The following AFG2A variants were observed in gnomAD, a reference collection of about 807,000 sequenced individuals.
AFG2A encodes AAA ATPase AFG2A.
At chr4:123,126,004 A>T in the AFG2A span, among the ~76,000 whole-genome samples, 2 of 152,178 alleles carry the variant, frequency 1.3e-5, no homozygotes, top group Non-Finnish European at 2.9e-5. Context: ...CTGTTAAGGA[A>T]CATACAGGGA....
the AFG2A span, among the ~76,000 whole-genome samples, chr4:123,073,521 C>T: frequency 2.0e-5 from 3 of 152,020 alleles, no homozygotes; most frequent in African/African-American, 7.2e-5. Context: ...AATTCATACT[C>T]CTCCCAAACT....
chr4:123,091,419 T>G, the AFG2A span, among the ~76,000 whole-genome samples: 2 of 152,234 alleles, frequency 1.3e-5, no homozygotes, highest in Admixed American at 6.5e-5. Flanking sequence ...TCTTGTATCT[T>G]ACTTTTAGCA....
the AFG2A span, among the ~76,000 whole-genome samples, chr4:122,986,654 C>T: frequency 2.0e-5 from 3 of 151,982 alleles, no homozygotes; most frequent in Non-Finnish European, 2.9e-5. Flanking sequence ...GTACACTGCT[C>T]GGGTGATGAC....
chr4:123,273,421 TATG>T, the AFG2A span, among the ~76,000 whole-genome samples: 3 of 152,110 alleles, frequency 2.0e-5, no homozygotes, highest in African/African-American at 7.2e-5. Flanking sequence ...TCATTGAAAA[TATG>T]ATTCACTATA....
At chr4:122,928,457 T>C in the AFG2A span, among the ~76,000 whole-genome samples, 1 of 152,234 alleles carries the variant, frequency 6.6e-6, no homozygotes, top group Non-Finnish European at 1.5e-5. Flanking sequence ...TTTTGTCTGC[T>C]GATGGCACCC....
chr4:122,974,041 G>A, the AFG2A span, among the ~76,000 whole-genome samples: 3 of 151,932 alleles, frequency 2.0e-5, no homozygotes, highest in Non-Finnish European at 2.9e-5. Context: ...TTTTCCTCCT[G>A]TGAGTTACTA....
At chr4:123,186,494 C>T in the AFG2A span, among the ~76,000 whole-genome samples, 3 of 152,116 alleles carry the variant, frequency 2.0e-5, no homozygotes, top group African/African-American at 7.2e-5. Context: ...CATGTTGAAG[C>T]TGAATGCCTT....
At chr4:123,176,857 G>A in the AFG2A span, among the ~76,000 whole-genome samples, 37 of 152,240 alleles carry the variant, frequency 2.4e-4, no homozygotes, top group African/African-American at 8.7e-4. Context: ...TGGGGGAAGG[G>A]GGAGGAGGAG....
chr4:123,100,973 T>C, the AFG2A span, among the ~76,000 whole-genome samples: 17 of 151,978 alleles, frequency 1.1e-4, no homozygotes, highest in African/African-American at 3.4e-4. Flanking sequence ...GCCATAGGAA[T>C]AGAGGAATTT....
the AFG2A span, among the ~76,000 whole-genome samples, chr4:123,075,976 C>CA: frequency 1.5e-3 from 199 of 135,114 alleles, 2 homozygotes; most frequent in South Asian, 0.02. Flanking sequence ...ACAACAACAA[C>CA]AAAAAAAAAA....
At chr4:123,293,950 G>C in the AFG2A span, among the ~76,000 whole-genome samples, 4 of 152,172 alleles carry the variant, frequency 2.6e-5, no homozygotes, top group Admixed American at 2.0e-4. Context: ...CTCTGTGATA[G>C]GCTCTAGCAC....
the AFG2A span, among the ~76,000 whole-genome samples, chr4:123,020,951 G>A: frequency 6.6e-6 from 1 of 152,080 alleles, no homozygotes; most frequent in East Asian, 1.9e-4. Flanking sequence ...TAAACATTAC[G>A]ATTTTTTTCT....
the AFG2A span, among the ~76,000 whole-genome samples, chr4:123,115,104 G>T: frequency 6.6e-6 from 1 of 152,106 alleles, no homozygotes; most frequent in African/African-American, 2.4e-5. Context: ...CCTCCTTGCA[G>T]CCTGGAGCAG....
At chr4:123,206,528 G>A in the AFG2A span, among the ~76,000 whole-genome samples, 2 of 152,064 alleles carry the variant, frequency 1.3e-5, no homozygotes, top group Admixed American at 6.6e-5. Flanking sequence ...ATTTTGCAAA[G>A]CTGTACAACT....
chr4:122,977,900 A>G, the AFG2A span, among the ~76,000 whole-genome samples: 6,239 of 152,258 alleles, frequency 0.041, 404 homozygotes, highest in African/African-American at 0.14. Context: ...GTCCACAGGC[A>G]GGCCATCCTC....
chr4:123,265,042 G>A, the AFG2A span, among the ~76,000 whole-genome samples: 1 of 152,060 alleles, frequency 6.6e-6, no homozygotes, highest in Non-Finnish European at 1.5e-5. Flanking sequence ...TATGGCACCA[G>A]AAGAATGGGG....
chr4:123,233,696 T>G, the AFG2A span, among the ~76,000 whole-genome samples: 1 of 151,660 alleles, frequency 6.6e-6, no homozygotes, highest in Non-Finnish European at 1.5e-5. Context: ...ATAAATGAGT[T>G]CTGCATTTTC....
At chr4:122,942,811 TC>T in the AFG2A span, among the ~76,000 whole-genome samples, 1 of 151,362 alleles carries the variant, frequency 6.6e-6, no homozygotes, top group Non-Finnish European at 1.5e-5. Flanking sequence ...TTTGAATGTG[TC>T]CCAGAGATTC....
the AFG2A span, among the ~76,000 whole-genome samples, chr4:123,086,737 T>G: frequency 6.6e-6 from 1 of 152,136 alleles, no homozygotes; most frequent in South Asian, 2.1e-4. Context: ...TTTCATAAAG[T>G]TTTCCTTATC....
Sources: gnomAD v4.1 joint callset for allele counts (sites outside exome capture counted in the v4.1 genomes callset) on GRCh38, gnomAD v4.1.1 for gene constraint, MANE v1.5 for transcripts, NCBI Gene and HGNC (gene_info 2026-07-23, HGNC 2026-07-21) for gene names.